ZNF385D: variants seen among roughly 807,000 people sequenced by gnomAD.
ZNF385D encodes zinc finger protein 385D.
A neutral mutation model predicts 35.8 loss-of-function variants in ZNF385D; 15 were observed. The ratio of observed to expected loss-of-function variants is 0.42; its 90% CI spans 0.28 to 0.64. The LOEUF is 0.64. ZNF385D is among the 30% of genes least tolerant of loss of function. ZNF385D has a pLI of 0.23. For missense variants in ZNF385D, 474 were observed against 494.6 expected (o/e 0.96, Z 0.39); for synonymous variants, 212 against 186.8 (o/e 1.13, Z -1.10).
intron 3 of ZNF385D, among the ~76,000 whole-genome samples, chr3:22,023,921 G>A (rs1226010451): frequency 3.3e-5 from 5 of 152,080 alleles, no homozygotes; most frequent in African/African-American, 1.2e-4. Context: ...AAGAATACCT[G>A]AGACTGGGGT....
intron 1 of ZNF385D, among the ~76,000 whole-genome samples, chr3:21,736,454 C>T (rs754433892): frequency 2.4e-4 from 36 of 152,046 alleles, no homozygotes; most frequent in Non-Finnish European, 3.2e-4. Context: ...TAATGCCCAC[C>T]GACTGTTTAA....
intron 3 of ZNF385D, among the ~76,000 whole-genome samples, chr3:21,811,384 A>G (rs2125708895): frequency 6.6e-6 from 1 of 152,272 alleles, no homozygotes; most frequent in South Asian, 2.1e-4. Flanking sequence ...GGAAGCAAGA[A>G]GTTTATCAAA....
intron 1 of ZNF385D, among the ~76,000 whole-genome samples, chr3:21,689,130 CAAAAAA>C (rs5847126): frequency 1.4e-4 from 16 of 114,338 alleles, no homozygotes; most frequent in African/African-American, 4.0e-4. Context: ...CTTATTGAAG[CAAAAAA>C]AAAAAAAAAA....
At chr3:21,778,287 T>G (rs1209576825) in intron 3 of ZNF385D, among the ~76,000 whole-genome samples, 4 of 151,894 alleles carry the variant, frequency 2.6e-5, no homozygotes, top group African/African-American at 9.7e-5. Context: ...AAGAAACATT[T>G]CTCACCACAA....
chr3:22,264,757 A>G (rs1010601187), intron 2 of ZNF385D, among the ~76,000 whole-genome samples: 11 of 152,052 alleles, frequency 7.2e-5, no homozygotes, highest in African/African-American at 2.4e-4. Flanking sequence ...AATGAATAAA[A>G]TCACACCCAG....
At chr3:21,714,186 A>C (rs561484412) in intron 1 of ZNF385D, among the ~76,000 whole-genome samples, 1 of 139,786 alleles carries the variant, frequency 7.2e-6, no homozygotes, top group East Asian at 2.1e-4. Flanking sequence ...ATTAAAACCC[A>C]TGGTCATTAA....
chr3:21,487,930 T>C (rs1161061384), intron 4 of ZNF385D, among the ~76,000 whole-genome samples: 1 of 152,180 alleles, frequency 6.6e-6, no homozygotes, highest in African/African-American at 2.4e-5. Context: ...GTGTAAGCTA[T>C]TGTTACTATT....
At chr3:22,326,695 C>T (rs1476346090) in intron 2 of ZNF385D, among the ~76,000 whole-genome samples, 1 of 152,110 alleles carries the variant, frequency 6.6e-6, no homozygotes, top group Admixed American at 6.5e-5. Context: ...GTGAACATTT[C>T]TGTTTTAAAA....
chr3:21,757,134 T>TTTGTTTTTG (rs1553654010), intron 3 of ZNF385D, among the ~76,000 whole-genome samples: 4,133 of 128,252 alleles, frequency 0.032, 210 homozygotes, highest in African/African-American at 0.11. Flanking sequence ...TTTTTTTTTT[T>TTTGTTTTTG]TTTTTGTTTT....
rs1289453100 is a variant in ZNF385D at position 21,646,168 on chromosome 3, G to T, written c.165+18718C>A. On this transcript the variant is annotated intron_variant, in intron 2 of 7. Transcript: ENST00000281523. This position sits in a 1 kb window ranked among gnomAD's most constrained non-coding sequence, Gnocchi z 4.3. Reference sequence around the variant, plus strand: ...ACTATTTTTCATTTTAAAAGTTAAGGAAGGGAGATGTATAATTTTTAGGGT... The same window carrying T: ...ACTATTTTTCATTTTAAAAGTTAAGTAAGGGAGATGTATAATTTTTAGGGT... Among the ~76,000 whole-genome samples the T allele has an allele frequency of 6.6e-6, 1 of 152,128 alleles. No individual in the cohort carries two copies. Among genetic ancestry groups the T allele is most frequent in the Non-Finnish European group, 1.5e-5 (1 of 68,030 alleles).
At chr3:21,694,653 A>T (rs2067408553) in intron 1 of ZNF385D, among the ~76,000 whole-genome samples, 1 of 152,174 alleles carries the variant, frequency 6.6e-6, no homozygotes, top group Non-Finnish European at 1.5e-5. Flanking sequence ...TGGCAACTTG[A>T]GTGCTCATTT....
intron 4 of ZNF385D, among the ~76,000 whole-genome samples, chr3:21,462,824 A>T (rs913484750): frequency 2.0e-5 from 3 of 152,140 alleles, no homozygotes; most frequent in Admixed American, 2.0e-4. Flanking sequence ...TCTACTAAAT[A>T]TATAAAAATT....
chr3:21,859,029 T>A (rs981775145), intron 3 of ZNF385D, among the ~76,000 whole-genome samples: 1 of 151,916 alleles, frequency 6.6e-6, no homozygotes, highest in Non-Finnish European at 1.5e-5. Flanking sequence ...CTCATACATA[T>A]AACGGGGGGA....
In ZNF385D at chr3:21,553,692, G is replaced by T. The variant is rs571537128; in HGVS notation, c.276+10882C>A. Among the ~76,000 whole-genome samples the T allele has an allele frequency of 2.0e-5, 3 of 152,206 alleles. No homozygotes were observed. The East Asian group carries it at 5.8e-4, about 29-fold the overall frequency. ...CACTAGTACTGCTTTCAAAATTGGG[G>T]TCAATCCTCCCAAAGCCTGCCACTG... On this transcript the variant is annotated intron_variant, in intron 3 of 7. Transcript: ENST00000281523.
At chr3:21,611,888 G>A (rs9871069) in intron 2 of ZNF385D, among the ~76,000 whole-genome samples, 78,169 of 151,654 alleles carry the variant, frequency 0.52, 20,371 homozygotes, top group East Asian at 0.65. Context: ...CAAATTCAAC[G>A]AAATTATTTT....
chr3:21,431,660 C>G (rs1701298771), intron 5 of ZNF385D, among the ~76,000 whole-genome samples: 1 of 152,104 alleles, frequency 6.6e-6, no homozygotes, highest in African/African-American at 2.4e-5. Flanking sequence ...AGTTATGAGG[C>G]TGTTTTCATC....
intron 3 of ZNF385D, among the ~76,000 whole-genome samples, chr3:21,980,828 G>C (rs760419820): frequency 7.9e-5 from 12 of 152,080 alleles, no homozygotes; most frequent in Non-Finnish European, 1.8e-4. Context: ...TTGGTTTTCT[G>C]TTCTTGAGTT....
At chr3:21,829,314 C>A (rs1472538702) in intron 3 of ZNF385D, among the ~76,000 whole-genome samples, 1 of 152,094 alleles carries the variant, frequency 6.6e-6, no homozygotes, top group Non-Finnish European at 1.5e-5. Context: ...AGATATGAGA[C>A]TTGAGATCCA....
chr3:21,470,489 G>A (rs570198566), intron 4 of ZNF385D, among the ~76,000 whole-genome samples: 1 of 152,174 alleles, frequency 6.6e-6, no homozygotes, highest in South Asian at 2.1e-4. Flanking sequence ...TTAAAGTATA[G>A]TTTCATAGAA....
Sources: gnomAD v4.1 joint callset for allele counts (sites outside exome capture counted in the v4.1 genomes callset) on GRCh38, gnomAD v4.1.1 for gene constraint, Gnocchi (gnomAD v3.1) non-coding constraint, MANE v1.5 for transcripts, NCBI Gene and HGNC (gene_info 2026-07-23, HGNC 2026-07-21) for gene names.